The following BCAS3 variants were observed in gnomAD, a reference collection of about 807,000 sequenced individuals.
The protein encoded by BCAS3 is BCAS3 microtubule associated cell migration factor.
BCAS3 carries 53 observed loss-of-function variants against 116.1 expected under a neutral mutation model. The observed-to-expected ratio is 0.46, with a 90% CI of 0.37 to 0.57. The LOEUF (loss-of-function observed/expected upper bound fraction) is 0.57. Ranked by LOEUF, BCAS3 falls within the 20% of genes least tolerant of loss-of-function variation. BCAS3 has a pLI of 0.00. For synonymous variants in BCAS3, 391 were observed against 408.2 expected, an observed-to-expected ratio of 0.96 and a Z score of 0.51; for missense variants, 917 against 1,165.4, an observed-to-expected ratio of 0.79 and a Z score of 3.10.
intron 22 of BCAS3, among the ~76,000 whole-genome samples, chr17:61,232,452 G>A (rs1383071506): frequency 6.6e-6 from 1 of 152,050 alleles, no homozygotes; most frequent in African/African-American, 2.4e-5. Context: ...AGGGTGGGAG[G>A]TTGTTTTTCT....
chr17:61,015,819 CCTCTTCCCAGCT>C lies in BCAS3; in HGVS notation c.1556_1567del (p.Pro519_Ser522del). ...CAACCCTGGCAACCCTCGGCTCTCT[CCTCTTCCCAGCT>C]TGATGGTAGTGATGCCTCTTGCACA... On this transcript the variant is annotated inframe_deletion, in exon 16 of 24. Coordinates refer to ENST00000407086, the MANE Select transcript of BCAS3 (RefSeq NM_017679.5). 7 of 1,614,116 alleles carry C rather than the reference CCTCTTCCCAGCT, an allele frequency of 4.3e-6. No homozygotes were observed. The highest frequency in any genetic ancestry group is 5.9e-6 in the Non-Finnish European group (7 of 1,179,968).
rs186309470 is a variant in BCAS3 at position 60,956,933 on chromosome 17, C to T, written c.1221+9581C>T. 1.2e-4 allele frequency among the ~76,000 whole-genome samples: 18 copies of T among 152,268 alleles called. No individual in the cohort carries two copies. The highest frequency in any genetic ancestry group is 1.0e-3 in the Admixed American group (16 of 15,296). ...ATGTTTTTCTGGATTCTTCCAAGAACTCTGACGGTACTTTAATCAGGCAAG... is the reference window on the plus strand; with the variant it reads ...ATGTTTTTCTGGATTCTTCCAAGAATTCTGACGGTACTTTAATCAGGCAAG... On this transcript the variant is annotated intron_variant, in intron 14 of 23. Coordinates refer to ENST00000407086, the MANE Select transcript of BCAS3 (RefSeq NM_017679.5). This position sits in a 1 kb window ranked among gnomAD's most constrained non-coding sequence, Gnocchi z 4.2.
In BCAS3 at chr17:60,919,951, C is replaced by T. The variant is rs118173725; in HGVS notation, c.994-4456C>T. 8.0e-4 allele frequency among the ~76,000 whole-genome samples: 121 copies of T among 152,138 alleles called. 2 individuals carry two copies. In the East Asian group the frequency reaches 0.015, roughly 19 times the overall value. On this transcript the variant is annotated intron_variant, in intron 12 of 23. Coordinates refer to ENST00000407086, the MANE Select transcript of BCAS3 (RefSeq NM_017679.5). ...ACACAAAAGAAGATAGGAGGAACAA[C>T]AAACACCTAAGACATATAAATATAC... is the stretch of plus-strand genomic sequence containing the variant.
At chr17:60,940,330 A>G (rs1301725485) in intron 13 of BCAS3, among the ~76,000 whole-genome samples, 2 of 152,214 alleles carry the variant, frequency 1.3e-5, no homozygotes, top group Admixed American at 6.5e-5. Flanking sequence ...ACGATATACT[A>G]TATTTTAGGC....
chr17:60,742,016 G>A (rs1425642814), intron 5 of BCAS3, among the ~76,000 whole-genome samples: 2 of 152,062 alleles, frequency 1.3e-5, no homozygotes, highest in African/African-American at 4.8e-5. Flanking sequence ...TCATTGATTA[G>A]GGATTTGGGA....
chr17:61,306,424 T>C (rs1336838603), intron 22 of BCAS3, among the ~76,000 whole-genome samples: 1 of 152,176 alleles, frequency 6.6e-6, no homozygotes, highest in Non-Finnish European at 1.5e-5. Context: ...AAAAAACAAT[T>C]CCCCTTAAGA....
intron 6 of BCAS3, 63 bp from the exon 7 acceptor site, chr17:60,807,941 A>C (rs1328686640): frequency 8.6e-7 from 1 of 1,167,590 alleles, no homozygotes. Flanking sequence ...AAAGCATGAA[A>C]ATAGTGGGAA....
chr17:61,128,360 T>C lies in BCAS3; in HGVS notation c.2425+43796T>C. ...CATTCCAGTTCCTTTCTTATTTGTT[T>C]GATGTACAGGCTTATTTAAGTGAAA... On this transcript the variant is annotated intron_variant, in intron 22 of 23. Transcript: ENST00000407086. This position sits in a 1 kb window ranked among gnomAD's most constrained non-coding sequence, Gnocchi z 4.1. 1.0e-6 allele frequency: 1 copy of C among 985,424 alleles called. No individual in the cohort carries two copies. Among genetic ancestry groups the C allele is most frequent in the African/African-American group, 1.7e-5 (1 of 57,364 alleles). The allele number at this position is 985,424 out of a possible 1,614,324, so 61.0% of individuals were successfully genotyped here. A position where few individuals can be genotyped will look rare whatever the true frequency, so the allele number is the denominator to read the frequency against.
rs1352472836 is a variant in BCAS3 at position 61,204,334 on chromosome 17, C to CG, written c.2425+119771dup. Among the ~76,000 whole-genome samples the CG allele has an allele frequency of 2.6e-5, 4 of 152,168 alleles. No individual in the cohort carries two copies. The highest frequency in any genetic ancestry group is 4.4e-5 in the Non-Finnish European group (3 of 68,034). On this transcript the variant is annotated intron_variant, in intron 22 of 23. Transcript: ENST00000407086. The surrounding 1 kb of genome is among the most constrained non-coding windows in gnomAD (Gnocchi z 4.2). The stretch of plus-strand genomic sequence containing the variant: ...ATAAATAGAATGAAGGTCATGTGAA[C>CG]GAGTTCAGAAGATTCTAGATATCAC...
chr17:61,174,049 A>G (rs2144132069), intron 22 of BCAS3, among the ~76,000 whole-genome samples: 1 of 152,376 alleles, frequency 6.6e-6, no homozygotes, highest in South Asian at 2.1e-4. Context: ...TAATGATACT[A>G]TTAATGGATT....
intron 19 of BCAS3, among the ~76,000 whole-genome samples, chr17:61,069,256 C>G (rs932515186): frequency 2.0e-5 from 3 of 152,050 alleles, no homozygotes; most frequent in Admixed American, 1.3e-4. Flanking sequence ...AGCTACCCAG[C>G]CTGGGTTTGC....
In BCAS3 at chr17:61,132,170, C is replaced by G. The variant is rs764917071; in HGVS notation, c.2425+47606C>G. ...TTCTGGTTTTTTCCAGTGATTTTTA[C>G]TAAATTTGATGTTAGGTACCTATAA... is the stretch of plus-strand genomic sequence containing the variant. On this transcript the variant is annotated intron_variant, in intron 22 of 23. Coordinates refer to ENST00000407086, the MANE Select transcript of BCAS3 (RefSeq NM_017679.5). This position sits in a 1 kb window ranked among gnomAD's most constrained non-coding sequence, Gnocchi z 5.1. Among the ~76,000 whole-genome samples, 1 of 152,194 alleles carries G rather than the reference C, an allele frequency of 6.6e-6. No homozygotes were observed. Among genetic ancestry groups the G allele is most frequent in the Admixed American group, 6.5e-5 (1 of 15,284 alleles).
In BCAS3 at chr17:60,737,094, C is replaced by G. The variant is rs1004294126; in HGVS notation, c.322-10104C>G. On this transcript the variant is annotated intron_variant, in intron 5 of 23. Coordinates refer to ENST00000407086, the MANE Select transcript of BCAS3 (RefSeq NM_017679.5). ...AGCTGGGATTGCACGCATGCACCAC[C>G]ACGCCTGGCTAATTTTTGTATTTTT... 8.5e-5 allele frequency among the ~76,000 whole-genome samples: 13 copies of G among 152,174 alleles called. No individual in the cohort carries two copies. In the East Asian group the frequency reaches 2.3e-3, roughly 27 times the overall value.
intron 6 of BCAS3, among the ~76,000 whole-genome samples, chr17:60,766,946 G>A (rs561236244): frequency 4.6e-5 from 7 of 152,192 alleles, no homozygotes; most frequent in South Asian, 2.1e-4. Flanking sequence ...CTTGCAGTTT[G>A]ATCTCGGACT....
At chr17:61,108,473 T>C (rs946074017) in intron 22 of BCAS3, among the ~76,000 whole-genome samples, 1 of 152,168 alleles carries the variant, frequency 6.6e-6, no homozygotes, top group African/African-American at 2.4e-5. Context: ...TTTTTTATTT[T>C]CTATTTGATC....
chr17:60,960,693 AGCACAGGTTT>A lies in BCAS3; in HGVS notation c.1221+13346_1221+13355del. On this transcript the variant is annotated intron_variant, in intron 14 of 23. Coordinates refer to ENST00000407086, the MANE Select transcript of BCAS3 (RefSeq NM_017679.5). This position sits in a 1 kb window ranked among gnomAD's most constrained non-coding sequence, Gnocchi z 4.1. ...TCATTCATACATTTTATTGAAGGGTAGCACAGGTTTGCACCTAGGTAGCTCTATCAGCCTG... is the reference window on the plus strand; with the variant it reads ...TCATTCATACATTTTATTGAAGGGTAGCACCTAGGTAGCTCTATCAGCCTG... 6.6e-6 allele frequency among the ~76,000 whole-genome samples: 1 copy of A among 152,080 alleles called. No homozygotes were observed. Among genetic ancestry groups the A allele is most frequent in the South Asian group, 2.1e-4 (1 of 4,820 alleles).
At position 61,214,146 on chromosome 17, in the gene BCAS3, C is replaced by T. The variant is rs371570800; in HGVS notation, c.2425+129582C>T. ...ATTTTGGGAGACCTCACAAGGATCA[C>T]GTGAGGTCAGGAGTTCAAGACCAGC... is the stretch of plus-strand genomic sequence containing the variant. On this transcript the variant is annotated intron_variant, in intron 22 of 23. Coordinates refer to ENST00000407086, the MANE Select transcript of BCAS3 (RefSeq NM_017679.5). This position sits in a 1 kb window ranked among gnomAD's most constrained non-coding sequence, Gnocchi z 4.4. 3.6e-4 allele frequency among the ~76,000 whole-genome samples: 54 copies of T among 152,002 alleles called. No homozygotes were observed. The South Asian group carries it at 1.0e-2, about 28-fold the overall frequency.
At chr17:61,175,002 G>T (rs939215999) in intron 22 of BCAS3, among the ~76,000 whole-genome samples, 1 of 152,164 alleles carries the variant, frequency 6.6e-6, no homozygotes, top group Non-Finnish European at 1.5e-5. Flanking sequence ...ACAAGTCCTT[G>T]TACACTAGTG....
chr17:60,711,696 T>C (rs2037944322), intron 5 of BCAS3, among the ~76,000 whole-genome samples: 1 of 146,954 alleles, frequency 6.8e-6, no homozygotes, highest in African/African-American at 2.7e-5. Flanking sequence ...TTGAGAGACT[T>C]GAATAATTTT....
Sources: gnomAD v4.1 joint callset for allele counts (sites outside exome capture counted in the v4.1 genomes callset) on GRCh38, gnomAD v4.1.1 for gene constraint, Gnocchi (gnomAD v3.1) non-coding constraint, MANE v1.5 for transcripts, NCBI Gene and HGNC (gene_info 2026-07-23, HGNC 2026-07-21) for gene names.